The following DCTD variants were observed in gnomAD, a reference collection of about 807,000 sequenced individuals.
DCTD encodes deoxycytidylate deaminase.
Under a neutral mutation model 21.0 loss-of-function variants are expected in DCTD, and 23 were observed. That is an observed-to-expected ratio of 1.09 (90% CI 0.79 to 1.55). DCTD has a LOEUF of 1.55. Among genes scored for constraint, DCTD ranks in the 40% most tolerant of loss-of-function variants. DCTD has a pLI of 0.00. For synonymous variants in DCTD, 71 were observed against 81.1 expected, an observed-to-expected ratio of 0.88 and a Z score of 0.67; for missense variants, 224 against 230.0, an observed-to-expected ratio of 0.97 and a Z score of 0.17.
chr4:182,893,905 A>T (rs1940925919), intron 4 of DCTD, among the ~76,000 whole-genome samples: 1 of 152,260 alleles, frequency 6.6e-6, no homozygotes. Flanking sequence ...TTAAATCTCC[A>T]GCCGAGAGTT....
chr4:182,902,711 G>T (rs1347422949), intron 3 of DCTD, among the ~76,000 whole-genome samples: 4 of 145,724 alleles, frequency 2.7e-5, no homozygotes, highest in Non-Finnish European at 4.6e-5. Flanking sequence ...CCTGCACTGG[G>T]TGGAGAGCTA....
At chr4:182,916,810 C>A in intron 1 of DCTD, 1 of 1,111,148 alleles carries the variant, frequency 9.0e-7, no homozygotes, top group Non-Finnish European at 1.1e-6. Flanking sequence ...GCGCCTTCTC[C>A]TGGTGTGGCT....
chr4:182,908,119 G>A (rs1264536808), intron 3 of DCTD, among the ~76,000 whole-genome samples: 3 of 151,882 alleles, frequency 2.0e-5, no homozygotes, highest in Non-Finnish European at 4.4e-5. Context: ...GTTTTATTGT[G>A]TATTTCTGGG....
At chr4:182,908,283 A>T (rs1317214123) in intron 3 of DCTD, among the ~76,000 whole-genome samples, 2 of 152,258 alleles carry the variant, frequency 1.3e-5, no homozygotes, top group African/African-American at 4.8e-5. Flanking sequence ...CACAACTGAC[A>T]TAGAACAGAT....
chr4:182,907,304 A>ATTTTTTTTTTTTTTTTTTTT (rs1460871239), intron 3 of DCTD, among the ~76,000 whole-genome samples: 1 of 152,006 alleles, frequency 6.6e-6, no homozygotes, highest in Admixed American at 6.6e-5. Flanking sequence ...CACCCGGCTA[A>ATTTTTTTTTTTTTTTTTTTT]TTTTTGTATT....
intron 3 of DCTD, among the ~76,000 whole-genome samples, chr4:182,913,166 A>T (rs548628351): frequency 6.6e-6 from 1 of 152,330 alleles, no homozygotes; most frequent in East Asian, 1.9e-4. Flanking sequence ...TTATAGAATC[A>T]AAATCAGGGT....
At chr4:182,896,814 G>A (rs1420200600) in intron 3 of DCTD, among the ~76,000 whole-genome samples, 1 of 152,152 alleles carries the variant, frequency 6.6e-6, no homozygotes. Context: ...CTCCCCCAGA[G>A]TCTAATGTGA....
intron 2 of DCTD, 131 bp from the exon 3 acceptor site, chr4:182,915,189 T>C: frequency 8.3e-7 from 1 of 1,209,408 alleles, no homozygotes; most frequent in Non-Finnish European, 1.2e-6. Flanking sequence ...CTGAGAGCTG[T>C]CGGTCTCCTT....
chr4:182,901,077 T>C (rs1561327369), intron 3 of DCTD, among the ~76,000 whole-genome samples: 1 of 152,214 alleles, frequency 6.6e-6, no homozygotes, highest in Non-Finnish European at 1.5e-5. Flanking sequence ...GAGTTCAGCG[T>C]TTTATAGATG....
chr4:182,915,888 C>T (rs1738640588), intron 1 of DCTD: 11 of 1,116,194 alleles, frequency 9.9e-6, no homozygotes, highest in Non-Finnish European at 1.2e-5. Flanking sequence ...TACCTGTCTC[C>T]CTTACAAAGC....
intron 3 of DCTD, among the ~76,000 whole-genome samples, chr4:182,907,400 C>T (rs910493413): frequency 6.6e-6 from 1 of 152,122 alleles, no homozygotes; most frequent in African/African-American, 2.4e-5. Context: ...GGCTTCCCAA[C>T]GTGCTGGGAT....
At chr4:182,893,674 AGAG>A (rs1734213685) in intron 4 of DCTD, among the ~76,000 whole-genome samples, 1 of 152,272 alleles carries the variant, frequency 6.6e-6, no homozygotes, top group African/African-American at 2.4e-5. Flanking sequence ...CTCTGAAGGC[AGAG>A]GAGGCTGCAG....
intron 1 of DCTD, chr4:182,916,867 CAG>C (rs1738836121): frequency 9.7e-7 from 1 of 1,026,564 alleles, no homozygotes; most frequent in African/African-American, 1.7e-5. Flanking sequence ...GCTGTAGAAA[CAG>C]AGAGAACTGG....
At chr4:182,897,637 G>A (rs6552621) in intron 3 of DCTD, among the ~76,000 whole-genome samples, 51,371 of 151,932 alleles carry the variant, frequency 0.34, 9,379 homozygotes, top group African/African-American at 0.48. Context: ...ACACTGACAA[G>A]CAGGAAACTC....
At chr4:182,900,326 A>G (rs1735508361) in intron 3 of DCTD, among the ~76,000 whole-genome samples, 1 of 152,162 alleles carries the variant, frequency 6.6e-6, no homozygotes, top group South Asian at 2.1e-4. Context: ...AGAAAAAAAA[A>G]AAAGTTTCAG....
intron 3 of DCTD, among the ~76,000 whole-genome samples, chr4:182,900,306 AC>A (rs971698479): frequency 6.6e-6 from 1 of 151,420 alleles, no homozygotes; most frequent in Non-Finnish European, 1.5e-5. Flanking sequence ...ACAGAGCAAG[AC>A]CCCATCTCAG....
At chr4:182,911,069 G>A (rs1361339018) in intron 3 of DCTD, among the ~76,000 whole-genome samples, 1 of 152,198 alleles carries the variant, frequency 6.6e-6, no homozygotes, top group Non-Finnish European at 1.5e-5. Flanking sequence ...CTGGGTGGCT[G>A]AGAAACAATG....
intron 3 of DCTD, among the ~76,000 whole-genome samples, chr4:182,910,428 A>G (rs186304171): frequency 3.3e-5 from 5 of 152,360 alleles, no homozygotes; most frequent in African/African-American, 1.2e-4. Context: ...TCATTTGATA[A>G]CATTGGTATT....
chr4:182,903,740 G>A (rs375445614), intron 3 of DCTD, among the ~76,000 whole-genome samples: 1 of 151,962 alleles, frequency 6.6e-6, no homozygotes, highest in South Asian at 2.1e-4. Flanking sequence ...TTCCGTCTCC[G>A]CTCCTGCAAC....
Sources: gnomAD v4.1 joint callset for allele counts (sites outside exome capture counted in the v4.1 genomes callset) on GRCh38, gnomAD v4.1.1 for gene constraint, MANE v1.5 for transcripts, NCBI Gene and HGNC (gene_info 2026-07-23, HGNC 2026-07-21) for gene names.